MESD: variants seen among roughly 807,000 people sequenced by gnomAD.
MESD encodes the protein mesoderm development LRP chaperone, also known as LRP chaperone MESD.
Under a neutral mutation model 12.9 loss-of-function variants are expected in MESD, and 7 were observed. The ratio of observed to expected loss-of-function variants is 0.54; its 90% confidence interval spans 0.31 to 1.02. MESD has a LOEUF of 1.02. Among genes scored for constraint, MESD ranks in the 50% least tolerant of loss-of-function variants. The probability of loss-of-function intolerance (pLI) is 0.05; values close to 1 mark genes in which losing one functional copy is unlikely to be tolerated. For synonymous variants in MESD, 126 were observed against 115.6 expected (o/e 1.09, Z -0.58); for missense variants, 342 against 296.7 (o/e 1.15, Z -1.12).
chr15:80,983,500 A>G (rs1902642139), intron 1 of MESD, among the ~76,000 whole-genome samples: 1 of 152,236 alleles, frequency 6.6e-6, no homozygotes, highest in African/African-American at 2.4e-5. Context: ...AGTTACAAAC[A>G]TGAAAGGGGG....
At chr15:80,986,066 T>C (rs1237419000) in intron 1 of MESD, among the ~76,000 whole-genome samples, 1 of 152,176 alleles carries the variant, frequency 6.6e-6, no homozygotes, top group Non-Finnish European at 1.5e-5. Flanking sequence ...TTAATTTCCA[T>C]TGTATATGTG....
At chr15:80,949,046 C>A in intron 4 of MESD, 1 of 1,338,546 alleles carries the variant, frequency 7.5e-7, no homozygotes, top group South Asian at 1.2e-5. Context: ...GGCCGTGTTT[C>A]AGCCCTGATG....
chr15:80,954,835 G>T (rs763867707), intron 3 of MESD, among the ~76,000 whole-genome samples: 5 of 152,168 alleles, frequency 3.3e-5, no homozygotes, highest in Non-Finnish European at 7.4e-5. Flanking sequence ...AATATTATGA[G>T]TTTTTTTGCA....
At position 80,979,186 on chromosome 15, in the gene MESD, C is replaced by G. The variant is rs1902502932; in HGVS notation, c.*33G>C. ...CTGGGCAAAGAGCTCTCCACGTCCA[C>G]CTGTCCCCCCACAGCGCGTCACTGC... On this transcript the variant is annotated 3_prime_UTR_variant, in exon 3 of 3. Transcript: ENST00000261758. 1.9e-6 allele frequency: 3 copies of G among 1,595,962 alleles called. No homozygotes were observed. The highest frequency in any genetic ancestry group is 2.6e-6 in the Non-Finnish European group (3 of 1,170,620).
exon 5 of MESD, chr15:80,948,493 TAGG>T (rs751270164): frequency 4.6e-6 from 2 of 430,510 alleles, no homozygotes; most frequent in Non-Finnish European, 4.4e-6. Flanking sequence ...GGCAGGTTCC[TAGG>T]AGGTCTCCTC....
chr15:80,961,410 T>C (rs2141790578), intron 3 of MESD, among the ~76,000 whole-genome samples: 1 of 152,148 alleles, frequency 6.6e-6, no homozygotes, highest in African/African-American at 2.4e-5. Context: ...AAAATGCAAA[T>C]TGAAACAACA....
intron 3 of MESD, among the ~76,000 whole-genome samples, chr15:80,968,224 C>T (rs1449031655): frequency 6.6e-6 from 1 of 152,232 alleles, no homozygotes; most frequent in African/African-American, 2.4e-5. Context: ...GCAGATGTTT[C>T]TGCCTGGAAG....
chr15:80,969,376 A>G (rs549411127), intron 3 of MESD, among the ~76,000 whole-genome samples: 13 of 152,186 alleles, frequency 8.5e-5, no homozygotes, highest in Non-Finnish European at 1.3e-4. Context: ...CTGCCTTGCT[A>G]TCTTTATCTC....
At chr15:80,946,827 G>T, downstream of MESD, 1 of 704,194 alleles carries the variant, frequency 1.4e-6, no homozygotes, top group South Asian at 1.5e-5. Context: ...AGGAGAGGCT[G>T]CCCTTTCCCG....
At chr15:80,989,166 C>G (rs985714463) in intron 1 of MESD, among the ~76,000 whole-genome samples, 1 of 152,186 alleles carries the variant, frequency 6.6e-6, no homozygotes, top group Admixed American at 6.5e-5. Context: ...ACTCTCCCAC[C>G]CACTCACCGC....
chr15:80,967,017 G>A (rs1902186171), intron 3 of MESD, among the ~76,000 whole-genome samples: 1 of 152,178 alleles, frequency 6.6e-6, no homozygotes, highest in South Asian at 2.1e-4. Flanking sequence ...CCTTGGCCGG[G>A]CGCAGTGGCT....
At chr15:80,949,119 G>A in intron 4 of MESD, 1 of 711,576 alleles carries the variant, frequency 1.4e-6, no homozygotes, top group Non-Finnish European at 2.4e-6. Context: ...GTGTCTACCT[G>A]GAGCCCCTGG....
intron 4 of MESD, chr15:80,948,947 C>T (rs1567115733): frequency 6.2e-7 from 1 of 1,614,112 alleles, no homozygotes; most frequent in Non-Finnish European, 8.5e-7. Context: ...CCCGGTGCCA[C>T]CTCGTGGTAG....
exon 5 of MESD, chr15:80,948,883 C>T: frequency 6.2e-7 from 1 of 1,614,196 alleles, no homozygotes; most frequent in East Asian, 2.2e-5. Flanking sequence ...CAAAATCTTC[C>T]AAGTTGTGCC....
Position 80,982,194 on chromosome 15 carries a change from G to A in MESD, c.214-12C>T, listed in dbSNP as rs1225734889. 6.2e-7 allele frequency: 1 copy of A among 1,607,830 alleles called. No individual in the cohort carries two copies. The highest frequency in any genetic ancestry group is 1.7e-5 in the Admixed American group (1 of 59,762). On this transcript the variant is annotated splice_polypyrimidine_tract_variant and intron_variant, in intron 1 of 2. Transcript: ENST00000261758. Reference sequence around the variant, plus strand: ...ATGTCATCATCTTTCTATCAGATTAGGGGAAAAGCATCAAACCTATCATCA... The same window carrying A: ...ATGTCATCATCTTTCTATCAGATTAAGGGAAAAGCATCAAACCTATCATCA...
intron 2 of MESD, among the ~76,000 whole-genome samples, chr15:80,980,501 C>A (rs540364479): frequency 6.6e-6 from 1 of 152,330 alleles, no homozygotes; most frequent in East Asian, 1.9e-4. Flanking sequence ...TTCCACTGAG[C>A]AGAAACTTCT....
chr15:80,979,482 G>C lies in MESD; in HGVS notation c.447-5C>G, dbSNP rs757245212. 6.2e-7 allele frequency: 1 copy of C among 1,611,944 alleles called. No homozygotes were observed. Among genetic ancestry groups the C allele is most frequent in the Non-Finnish European group, 8.5e-7 (1 of 1,178,328 alleles). ...CGGTCTGATCCCACAATGAACCTTG[G>C]GCAGAGAGATGCAATCAGTCAGCCA... On this transcript the variant is annotated splice_region_variant and splice_polypyrimidine_tract_variant and intron_variant, in intron 2 of 2. Transcript: ENST00000261758.
At chr15:80,980,119 A>G (rs1253187763) in intron 2 of MESD, among the ~76,000 whole-genome samples, 1 of 152,176 alleles carries the variant, frequency 6.6e-6, no homozygotes, top group African/African-American at 2.4e-5. Flanking sequence ...GGACTACACC[A>G]CGCGTTCCCC....
downstream of MESD, among the ~76,000 whole-genome samples, chr15:80,973,646 A>T (rs147080687): frequency 1.0e-3 from 152 of 152,338 alleles, 4 homozygotes; most frequent in South Asian, 0.013. Context: ...CTGCAGGAGA[A>T]GGTGGTGAAT....
Sources: allele counts gnomAD v4.1 joint callset (sites outside exome capture counted in the v4.1 genomes callset), GRCh38; gene constraint gnomAD v4.1.1; transcripts MANE v1.5; gene names NCBI Gene and HGNC (gene_info 2026-07-23, HGNC 2026-07-21).